RNASE1: variants seen among roughly 807,000 people sequenced by gnomAD.
RNASE1 encodes the protein ribonuclease A family member 1, pancreatic.
For missense variants in RNASE1, 203 were observed against 201.0 expected (o/e 1.01, Z -0.06); for synonymous variants, 64 against 78.6 (o/e 0.81, Z 0.98).
intron 1 of RNASE1, chr14:20,802,432 A>T (rs1384905098): frequency 5.1e-6 from 1 of 195,676 alleles, no homozygotes; most frequent in Non-Finnish European, 1.1e-5. Flanking sequence ...ATCAGTTTGA[A>T]TAAATCATGA....
At position 20,801,858 on chromosome 14, in the gene RNASE1, C is replaced by A; in HGVS notation, c.211G>T (p.Val71Leu). The A allele has an allele frequency of 6.2e-7, 1 of 1,614,224 alleles. No individual in the cohort carries two copies. The highest frequency in any genetic ancestry group is 1.7e-5 in the Admixed American group (1 of 60,030). Residue 71 changes from valine (V) to leucine (L), a missense_variant, in exon 2 of 2, where the codon GTG (valine) becomes TTG (leucine). Coordinates refer to ENST00000397967, the MANE Select transcript of RNASE1 (RefSeq NM_002933.5). ...AGGGGCTCGTGCACAAAGGTGTTCA[C>A]TGGTTTGCACCGCCCCTGTGTCATA... ...RNMTQGRCKP[V>L]NTFVHEPLVD...
Position 20,801,536 on chromosome 14 carries a change from G to A in RNASE1, c.*62C>T. On this transcript the variant is annotated 3_prime_UTR_variant, in exon 2 of 2. Transcript: ENST00000397967. Reference sequence around the variant, plus strand: ...CTTCTTTCACAGCAGGGAAGGAAGAGGGAAGAGGCAGCTGTGGAGAGGATG... The same window carrying A: ...CTTCTTTCACAGCAGGGAAGGAAGAAGGAAGAGGCAGCTGTGGAGAGGATG... The A allele has an allele frequency of 7.3e-7, 1 of 1,375,074 alleles. No individual in the cohort carries two copies. The highest frequency in any genetic ancestry group is 1.0e-6 in the Non-Finnish European group (1 of 974,092). The allele number at this position is 1,375,074 out of a possible 1,614,324, so 85.2% of individuals were successfully genotyped here. A position where few individuals can be genotyped will look rare whatever the true frequency, so the allele number is the denominator to read the frequency against.
At position 20,801,464 on chromosome 14, in the gene RNASE1, G is replaced by T; in HGVS notation, c.*134C>A. ...CAAAATCACGCAGGGATGGGACTCA[G>T]GAAAGGGAAGCATGTGTGTGTTGAA... On this transcript the variant is annotated 3_prime_UTR_variant, in exon 2 of 2. Transcript: ENST00000397967. The T allele has an allele frequency of 1.3e-6, 1 of 766,606 alleles. No homozygotes were observed. The highest frequency in any genetic ancestry group is 2.1e-6 in the Non-Finnish European group (1 of 467,374). The allele number at this position is 766,606 out of a possible 1,614,324, so 47.5% of individuals were successfully genotyped here.
chr14:20,801,371 T>C lies in RNASE1; in HGVS notation c.*227A>G, dbSNP rs892211517. On this transcript the variant is annotated 3_prime_UTR_variant, in exon 2 of 2. Transcript: ENST00000397967. ...GCTTCAGAAATCAGGTGTTTGCAACTGCGTTTTATTGAAAGAAAGAGTGGA... is the reference window on the plus strand; with the variant it reads ...GCTTCAGAAATCAGGTGTTTGCAACCGCGTTTTATTGAAAGAAAGAGTGGA... 10 of 569,184 alleles carry C rather than the reference T, an allele frequency of 1.8e-5. No individual in the cohort carries two copies. The African/African-American group carries it at 1.9e-4, about 11-fold the overall frequency. The allele number at this position is 569,184 out of a possible 1,614,324, so 35.3% of individuals were successfully genotyped here.
intron 1 of RNASE1, 126 bp from the exon 2 acceptor site, chr14:20,802,219 C>G: frequency 1.5e-6 from 1 of 645,712 alleles, no homozygotes; most frequent in Non-Finnish European, 2.6e-6. Context: ...ATCCTACTTC[C>G]TGAGGTTTTT....
chr14:20,802,117 GGAAAAGAGCCCTCTTA>G (rs905282953), intron 1 of RNASE1, 24 bp from the exon 2 acceptor site: 2 of 1,391,976 alleles, frequency 1.4e-6, no homozygotes, highest in African/African-American at 2.9e-5. Context: ...GGAGAGAGAA[GGAAAAGAGCCCTCTTA>G]GAAAAAGAAC....
At position 20,801,496 on chromosome 14, in the gene RNASE1, C is replaced by G. The variant is rs1879384090; in HGVS notation, c.*102G>C. 2 of 967,432 alleles carry G rather than the reference C, an allele frequency of 2.1e-6. No homozygotes were observed. Among genetic ancestry groups the G allele is most frequent in the Admixed American group, 4.1e-5 (2 of 48,668 alleles). The allele number at this position is 967,432 out of a possible 1,614,324, so 59.9% of individuals were successfully genotyped here. On this transcript the variant is annotated 3_prime_UTR_variant, in exon 2 of 2. Transcript: ENST00000397967. ...GAAGCATGTGTGTGTTGAATAGGAG[C>G]CCTAACTGTAGTTACTTCTTTCACA...
rs1326007006 is a variant in RNASE1, at chr14:20,801,759, T to C, written c.310A>G (p.Asn104Asp). 6.2e-7 allele frequency: 1 copy of C among 1,614,246 alleles called. No homozygotes were observed. Among genetic ancestry groups the C allele is most frequent in the Non-Finnish European group, 8.5e-7 (1 of 1,180,044 alleles). Residue 104 changes from asparagine (N) to aspartate (D), a missense_variant, in exon 2 of 2, where the codon AAC becomes GAC. Asn to Asp is a conservative substitution (Grantham distance 23). Transcript: ENST00000397967. Reference protein sequence around the residue: ...KNGQGNCYKSNSSMHITDCRL... With the variant: ...KNGQGNCYKSDSSMHITDCRL... ...CAGTCTGTGATGTGCATGCTGGAGT[T>C]GCTCTTGTAGCAGTTGCCCTGCCCG...
Position 20,801,730 on chromosome 14 carries a change from G to T in RNASE1, c.339C>A (p.Arg113=). The change falls in exon 2 of 2, where the codon CGC becomes CGA. Residue 113 remains arginine, a synonymous_variant. Coordinates refer to ENST00000397967, the MANE Select transcript of RNASE1 (RefSeq NM_002933.5). ...SNSSMHITDC[R]LTNGSRYPNC... is the part of the protein sequence containing the mutation. Reference sequence around the variant, plus strand: ...TGGGGTACCTGGAGCCGTTTGTCAGGCGGCAGTCTGTGATGTGCATGCTGG... The same window carrying T: ...TGGGGTACCTGGAGCCGTTTGTCAGTCGGCAGTCTGTGATGTGCATGCTGG... 1 of 1,614,204 alleles carries T rather than the reference G, an allele frequency of 6.2e-7. No individual in the cohort carries two copies. The highest frequency in any genetic ancestry group is 8.5e-7 in the Non-Finnish European group (1 of 1,180,036).
chr14:20,801,464 G>A lies in RNASE1; in HGVS notation c.*134C>T, dbSNP rs1879381848. On this transcript the variant is annotated 3_prime_UTR_variant, in exon 2 of 2. Coordinates refer to ENST00000397967, the MANE Select transcript of RNASE1 (RefSeq NM_002933.5). ...CAAAATCACGCAGGGATGGGACTCA[G>A]GAAAGGGAAGCATGTGTGTGTTGAA... is the stretch of plus-strand genomic sequence containing the variant. 5.2e-6 allele frequency: 4 copies of A among 766,608 alleles called. No individual in the cohort carries two copies. In the East Asian group the frequency reaches 1.1e-4, roughly 20 times the overall value. The allele number at this position is 766,608 out of a possible 1,614,324, so 47.5% of individuals were successfully genotyped here.
At position 20,801,447 on chromosome 14, in the gene RNASE1, C is replaced by T; in HGVS notation, c.*151G>A. The T allele has an allele frequency of 4.4e-6, 3 of 678,692 alleles. No homozygotes were observed. Among genetic ancestry groups the T allele is most frequent in the South Asian group, 1.9e-5 (1 of 52,224 alleles). 42.0% of individuals were successfully genotyped at this position (678,692 alleles called of 1,614,324 possible). On this transcript the variant is annotated 3_prime_UTR_variant, in exon 2 of 2. Coordinates refer to ENST00000397967, the MANE Select transcript of RNASE1 (RefSeq NM_002933.5). ...AACCCACTCTTCACCCCCAAAATCA[C>T]GCAGGGATGGGACTCAGGAAAGGGA...
At position 20,801,644 on chromosome 14, in the gene RNASE1, G is replaced by A; in HGVS notation, c.425C>T (p.Pro142Leu). 6.2e-7 allele frequency: 1 copy of A among 1,614,144 alleles called. No individual in the cohort carries two copies. ...AGCATCAAAGTGGACTGGCACATAT[G>A]GGCTCCCTTCACAGGCCACAATGAT... Reference protein sequence around the residue: ...RHIIVACEGSPYVPVHFDASV... With the variant: ...RHIIVACEGSLYVPVHFDASV... The change falls in exon 2 of 2, where the codon CCA (proline) becomes CTA (leucine). Residue 142 changes from proline (P) to leucine (L), a missense_variant. By Grantham distance (98) the Pro-to-Leu change is moderately conservative. Coordinates refer to ENST00000397967, the MANE Select transcript of RNASE1 (RefSeq NM_002933.5).
At position 20,801,610 on chromosome 14, in the gene RNASE1, C is replaced by T; in HGVS notation, c.459G>A (p.Glu153=). ...YVPVHFDASV[E]DST Reference sequence around the variant, plus strand: ...CGCTGCTCTGACCTTAGGTAGAGTCCTCCACAGAAGCATCAAAGTGGACTG... The same window carrying T: ...CGCTGCTCTGACCTTAGGTAGAGTCTTCCACAGAAGCATCAAAGTGGACTG... The change falls in exon 2 of 2, where the codon GAG becomes GAA. Residue 153 remains glutamate (E), a synonymous_variant. Coordinates refer to ENST00000397967, the MANE Select transcript of RNASE1 (RefSeq NM_002933.5). 6.2e-7 allele frequency: 1 copy of T among 1,613,000 alleles called. No individual in the cohort carries two copies.
rs144718326 is a variant in RNASE1, at chr14:20,801,948, T to C, written c.121A>G (p.Met41Val). ...SRAKKFQRQH[M>V]DSDSSPSSSS... ...CTGCTGGGGGAACTGTCTGAGTCCA[T>C]ATGCTGCCGCTGGAATTTCTTGGCC... Residue 41 changes from methionine to valine, a missense_variant, in exon 2 of 2, where the codon ATG (methionine) becomes GTG (valine). Coordinates refer to ENST00000397967, the MANE Select transcript of RNASE1 (RefSeq NM_002933.5). 6.9e-5 allele frequency: 112 copies of C among 1,613,830 alleles called. No homozygotes were observed. Among genetic ancestry groups the C allele is most frequent in the Middle Eastern group, 1.6e-4 (1 of 6,082 alleles).
At position 20,801,955 on chromosome 14, in the gene RNASE1, C is replaced by T. The variant is rs1879423151; in HGVS notation, c.114G>A (p.Arg38=). Residue 38 remains arginine (R), a synonymous_variant, in exon 2 of 2, where the codon CGG becomes CGA. Transcript: ENST00000397967. ...GGGAACTGTCTGAGTCCATATGCTG[C>T]CGCTGGAATTTCTTGGCCCGGGATT... The part of the protein sequence containing the change: ...GKESRAKKFQ[R]QHMDSDSSPS... 1 of 1,613,798 alleles carries T rather than the reference C, an allele frequency of 6.2e-7. No homozygotes were observed. Among genetic ancestry groups the T allele is most frequent in the Non-Finnish European group, 8.5e-7 (1 of 1,179,970 alleles).
In RNASE1 at chr14:20,802,008, C is replaced by A; in HGVS notation, c.61G>T (p.Gly21Cys). 1 of 1,609,620 alleles carries A rather than the reference C, an allele frequency of 6.2e-7. No individual in the cohort carries two copies. Residue 21 changes from glycine to cysteine, a missense_variant, in exon 2 of 2, where the codon GGC becomes TGC. Coordinates refer to ENST00000397967, the MANE Select transcript of RNASE1 (RefSeq NM_002933.5). Reference sequence around the variant, plus strand: ...TTGCCCAGGGAAGGCTGGACCCAGCCCAGCACCAGCAGTATCAGGACAAGC... The same window carrying A: ...TTGCCCAGGGAAGGCTGGACCCAGCACAGCACCAGCAGTATCAGGACAAGC... The part of the protein sequence containing the change: ...LLLVLILLVL[G>C]WVQPSLGKES...
chr14:20,802,053 A>G lies in RNASE1; in HGVS notation c.16T>C (p.Ser6Pro). 1 of 1,599,814 alleles carries G rather than the reference A, an allele frequency of 6.3e-7. No homozygotes were observed. Among genetic ancestry groups the G allele is most frequent in the Non-Finnish European group, 8.5e-7 (1 of 1,178,518 alleles). The change falls in exon 2 of 2, where the codon TCT (serine) becomes CCT (proline). Residue 6 changes from serine to proline, a missense_variant. Transcript: ENST00000397967. The part of the protein sequence containing the change: MALEK[S>P]LVRLLLLVLI... ...ACAAGCAGAAGGAGCCGGACAAGAG[A>G]CTTCTCCAGAGCCATGGTGGCCTCA...
intron 1 of RNASE1, 138 bp from the exon 2 acceptor site, chr14:20,802,231 G>T: frequency 1.6e-6 from 1 of 618,048 alleles, no homozygotes; most frequent in Non-Finnish European, 2.8e-6. Flanking sequence ...GAGGTTTTTC[G>T]TGTAATGAGA....
At position 20,801,916 on chromosome 14, in the gene RNASE1, G is replaced by A. The variant is rs777163288; in HGVS notation, c.153C>T (p.Ser51=). The change falls in exon 2 of 2, where the codon TCC becomes TCT. Residue 51 remains serine (S), a synonymous_variant. Coordinates refer to ENST00000397967, the MANE Select transcript of RNASE1 (RefSeq NM_002933.5). ...MDSDSSPSSS[S]TYCNQMMRRR... ...GCCTCATCATTTGGTTACAGTAGGTGGAGCTGCTGCTGGGGGAACTGTCTG... is the reference window on the plus strand; with the variant it reads ...GCCTCATCATTTGGTTACAGTAGGTAGAGCTGCTGCTGGGGGAACTGTCTG... The A allele has an allele frequency of 6.2e-7, 1 of 1,614,030 alleles. No individual in the cohort carries two copies. Among genetic ancestry groups the A allele is most frequent in the Non-Finnish European group, 8.5e-7 (1 of 1,179,928 alleles).
Sources: gnomAD v4.1 joint callset for allele counts on GRCh38, gnomAD v4.1.1 for gene constraint, MANE v1.5 for transcripts, NCBI Gene and HGNC (gene_info 2026-07-23, HGNC 2026-07-21) for gene names.